Variants in CADM2 observed in about 807,000 individuals in gnomAD.
CADM2 encodes cell adhesion molecule 2, also known as immunoglobulin superfamily member 4D.
CADM2 carries 12 observed loss-of-function variants against 49.8 expected under a neutral mutation model. That is an observed-to-expected ratio of 0.24 (90% CI 0.15 to 0.39). The LOEUF is 0.39. Among genes scored for constraint, CADM2 ranks in the 10% least tolerant of loss-of-function variants. The probability of loss-of-function intolerance (pLI) is 1.00; values close to 1 mark genes in which losing one functional copy is unlikely to be tolerated. For synonymous variants in CADM2, 214 were observed against 175.4 expected, an observed-to-expected ratio of 1.22 and a Z score of -1.74; for missense variants, 378 against 492.3, an observed-to-expected ratio of 0.77 and a Z score of 2.20.
intron 3 of CADM2, among the ~76,000 whole-genome samples, chr3:85,870,213 T>G (rs2075872355): frequency 6.6e-6 from 1 of 152,104 alleles, no homozygotes; most frequent in Non-Finnish European, 1.5e-5. Context: ...TTAGCTTGTT[T>G]GGGCTAACTA....
intron 3 of CADM2, among the ~76,000 whole-genome samples, chr3:85,866,469 C>CATATGAATTTTGG (rs1157239177): frequency 2.0e-5 from 3 of 152,022 alleles, no homozygotes. Flanking sequence ...CTTCCATAGC[C>CATATGAATTTTGG]CTGATTTGTG....
intron 1 of CADM2, among the ~76,000 whole-genome samples, chr3:85,362,515 T>G (rs919970565): frequency 2.0e-5 from 3 of 152,220 alleles, no homozygotes; most frequent in African/African-American, 7.2e-5. Context: ...GAAATTACTA[T>G]CATCACTCTT....
At chr3:85,547,823 C>T (rs2061703231) in intron 1 of CADM2, among the ~76,000 whole-genome samples, 1 of 151,998 alleles carries the variant, frequency 6.6e-6, no homozygotes. Context: ...AAAACTCCAG[C>T]AAAAATCTTA....
intron 8 of CADM2, chr3:85,993,967 C>T (rs1316496758): frequency 1.3e-5 from 2 of 152,098 alleles, no homozygotes; most frequent in African/African-American, 4.8e-5. Context: ...GGTAAATGAA[C>T]ATTGGTTTCA....
chr3:85,816,260 T>G (rs2108156870), intron 3 of CADM2, among the ~76,000 whole-genome samples: 1 of 151,878 alleles, frequency 6.6e-6, no homozygotes, highest in South Asian at 2.1e-4. Flanking sequence ...TAAACTTAGC[T>G]CTAGAGCACC....
At chr3:85,623,274 G>A (rs1315764496) in intron 1 of CADM2, among the ~76,000 whole-genome samples, 3 of 152,088 alleles carry the variant, frequency 2.0e-5, no homozygotes, top group Non-Finnish European at 4.4e-5. Flanking sequence ...TAATCTCATG[G>A]CATTTGATAA....
intron 1 of CADM2, among the ~76,000 whole-genome samples, chr3:85,708,945 A>C (rs1250198510): frequency 6.6e-6 from 1 of 152,040 alleles, no homozygotes; most frequent in Non-Finnish European, 1.5e-5. Flanking sequence ...TAAAAAAAAA[A>C]ACCACAGCCC....
chr3:85,414,598 C>T (rs1265849086), intron 1 of CADM2, among the ~76,000 whole-genome samples: 1 of 151,580 alleles, frequency 6.6e-6, no homozygotes, highest in Non-Finnish European at 1.5e-5. Flanking sequence ...GTGTTCAATC[C>T]CCCAGTTTCA....
At chr3:85,349,659 C>T (rs1178762672) in intron 1 of CADM2, among the ~76,000 whole-genome samples, 1 of 152,128 alleles carries the variant, frequency 6.6e-6, no homozygotes, top group Non-Finnish European at 1.5e-5. Context: ...ATGTCAAAGA[C>T]TTACTCTGCA....
At chr3:86,008,848 A>G (rs1731121610) in intron 8 of CADM2, among the ~76,000 whole-genome samples, 1 of 151,872 alleles carries the variant, frequency 6.6e-6, no homozygotes. Context: ...CCAGTTTTCA[A>G]TTATATGGAT....
At chr3:85,189,609 T>C (rs1483217473) in intron 1 of CADM2, among the ~76,000 whole-genome samples, 1 of 152,218 alleles carries the variant, frequency 6.6e-6, no homozygotes, top group African/African-American at 2.4e-5. Flanking sequence ...GAAAATGTAC[T>C]GTTACGCCAA....
At chr3:85,692,269 C>G (rs1426447912) in intron 1 of CADM2, among the ~76,000 whole-genome samples, 2 of 152,138 alleles carry the variant, frequency 1.3e-5, no homozygotes, top group African/African-American at 2.4e-5. Context: ...AGCCCAGTAC[C>G]AGGACCATGT....
intron 1 of CADM2, among the ~76,000 whole-genome samples, chr3:85,039,362 T>C (rs1197661213): frequency 8.3e-6 from 1 of 121,040 alleles, no homozygotes; most frequent in Admixed American, 9.4e-5. Flanking sequence ...ATTTCTAAGA[T>C]AATGTATTTT....
intron 1 of CADM2, among the ~76,000 whole-genome samples, chr3:85,671,489 A>T (rs1464491856): frequency 2.6e-5 from 4 of 152,212 alleles, no homozygotes; most frequent in Non-Finnish European, 4.4e-5. Context: ...TTAAATATAT[A>T]CATGGTGAAT....
intron 8 of CADM2, among the ~76,000 whole-genome samples, chr3:86,036,143 A>G (rs1735126284): frequency 6.6e-6 from 1 of 152,114 alleles, no homozygotes; most frequent in Non-Finnish European, 1.5e-5. Flanking sequence ...TTGATTCATA[A>G]CACATCTAAT....
Position 85,792,452 on chromosome 3 carries a change from A to G in CADM2, c.89-9595A>G, listed in dbSNP as rs1045974179. On this transcript the variant is annotated intron_variant, in intron 2 of 9. Coordinates refer to ENST00000383699, the MANE Select transcript of CADM2 (RefSeq NM_001167675.2). ...AAAAAAGTTTTGCTTATTTTTAGGA[A>G]CTAAAGAATAGTGAGAGGACTTAAG... Among the ~76,000 whole-genome samples the G allele has an allele frequency of 2.0e-5, 3 of 152,366 alleles. No homozygotes were observed. The South Asian group carries it at 6.2e-4, about 32-fold the overall frequency.
intron 1 of CADM2, among the ~76,000 whole-genome samples, chr3:85,270,406 A>C (rs1357185054): frequency 6.6e-6 from 1 of 151,366 alleles, no homozygotes; most frequent in Non-Finnish European, 1.5e-5. Context: ...CATAGTCTAG[A>C]CATTTTGTGT....
chr3:85,851,268 A>T (rs534022618), intron 3 of CADM2, among the ~76,000 whole-genome samples: 1 of 152,288 alleles, frequency 6.6e-6, no homozygotes, highest in Non-Finnish European at 1.5e-5. Context: ...GTTTCTCATG[A>T]TTAATTGAAA....
At chr3:85,983,152 C>A (rs1057279538) in intron 8 of CADM2, among the ~76,000 whole-genome samples, 13 of 151,576 alleles carry the variant, frequency 8.6e-5, no homozygotes, top group African/African-American at 3.1e-4. Context: ...TATTAAAAAT[C>A]AAGATGAAAT....
Sources: allele counts gnomAD v4.1 joint callset (sites outside exome capture counted in the v4.1 genomes callset), GRCh38; gene constraint gnomAD v4.1.1; transcripts MANE v1.5; gene names NCBI Gene and HGNC (gene_info 2026-07-23, HGNC 2026-07-21).